Variants in HSD17B12 observed in about 807,000 individuals in gnomAD.
HSD17B12 encodes hydroxysteroid 17-beta dehydrogenase 12, also known as very-long-chain 3-oxoacyl-CoA reductase.
A neutral mutation model predicts 39.3 loss-of-function variants in HSD17B12; 32 were observed. That is an observed-to-expected ratio of 0.81 (90% CI 0.61 to 1.09). The LOEUF (loss-of-function observed/expected upper bound fraction) is 1.09, where lower values mean the gene tolerates loss of function less well. HSD17B12 is among the 50% of genes least tolerant of loss of function. HSD17B12 has a pLI of 0.00. For missense variants in HSD17B12, 342 were observed against 382.9 expected, an observed-to-expected ratio of 0.89 and a Z score of 0.89; for synonymous variants, 150 against 146.7, an observed-to-expected ratio of 1.02 and a Z score of -0.16.
intron 7 of HSD17B12, among the ~76,000 whole-genome samples, chr11:43,835,456 A>T (rs1951360201): frequency 6.6e-6 from 1 of 152,212 alleles, no homozygotes; most frequent in Admixed American, 6.5e-5. Flanking sequence ...TGATTCAGAC[A>T]GAACTAAGTT....
At chr11:43,843,492 C>T (rs1045212347) in intron 9 of HSD17B12, among the ~76,000 whole-genome samples, 4 of 152,264 alleles carry the variant, frequency 2.6e-5, no homozygotes, top group Non-Finnish European at 2.9e-5. Context: ...GGATTAAATT[C>T]GAACTCCACA....
At chr11:43,592,079 T>G in the HSD17B12 span, among the ~76,000 whole-genome samples, 2 of 152,118 alleles carry the variant, frequency 1.3e-5, no homozygotes, top group Non-Finnish European at 2.9e-5. Flanking sequence ...TTTAAACTAA[T>G]TTTATTTTTA....
intron 1 of HSD17B12, chr11:43,734,548 C>G: frequency 1.8e-6 from 1 of 558,612 alleles, no homozygotes; most frequent in Non-Finnish European, 3.1e-6. Flanking sequence ...CAGTCCGTGC[C>G]CCTCCAGCTG....
At chr11:43,650,797 A>G in the HSD17B12 span, among the ~76,000 whole-genome samples, 5 of 152,216 alleles carry the variant, frequency 3.3e-5, no homozygotes, top group Admixed American at 6.5e-5. Context: ...TGTTTCAGTT[A>G]CCTGTGGCCA....
At chr11:43,773,343 A>G (rs1175297073) in intron 3 of HSD17B12, among the ~76,000 whole-genome samples, 2 of 152,170 alleles carry the variant, frequency 1.3e-5, no homozygotes, top group African/African-American at 4.8e-5. Flanking sequence ...TCCTGGGCGC[A>G]AGCAGGTCTG....
the HSD17B12 span, among the ~76,000 whole-genome samples, chr11:43,605,768 A>G: frequency 6.6e-6 from 1 of 152,192 alleles, no homozygotes; most frequent in African/African-American, 2.4e-5. Context: ...ATAAACGTAA[A>G]TAATTTATTA....
the HSD17B12 span, among the ~76,000 whole-genome samples, chr11:43,655,013 G>A: frequency 2.0e-5 from 3 of 152,086 alleles, no homozygotes; most frequent in Admixed American, 6.6e-5. Context: ...CCATTTTCAC[G>A]ATATTGATTC....
intron 3 of HSD17B12, 41 bp from the exon 4 acceptor site, chr11:43,798,278 AT>A: frequency 8.2e-7 from 1 of 1,212,482 alleles, no homozygotes. Context: ...CCATGTACTA[AT>A]TTTCCCTGTC....
the HSD17B12 span, among the ~76,000 whole-genome samples, chr11:43,619,485 G>A: frequency 6.6e-6 from 1 of 150,520 alleles, no homozygotes; most frequent in African/African-American, 2.4e-5. Context: ...CACCTCCCAG[G>A]TTCAAGCGAT....
chr11:43,596,161 C>G, the HSD17B12 span, among the ~76,000 whole-genome samples: 2 of 151,972 alleles, frequency 1.3e-5, no homozygotes, highest in African/African-American at 4.8e-5. Flanking sequence ...AAAGTCCCAG[C>G]ATTACAGGAG....
chr11:43,709,074 C>T (rs1950041196), intron 1 of HSD17B12, among the ~76,000 whole-genome samples: 1 of 152,182 alleles, frequency 6.6e-6, no homozygotes, highest in Non-Finnish European at 1.5e-5. Context: ...AGCTGCGTAG[C>T]TGTTTTCTAC....
chr11:43,718,011 C>T (rs1950140409), intron 1 of HSD17B12, among the ~76,000 whole-genome samples: 1 of 151,966 alleles, frequency 6.6e-6, no homozygotes, highest in Admixed American at 6.6e-5. Flanking sequence ...CGCCATGTTG[C>T]TCAGGCTGGT....
the HSD17B12 span, chr11:43,576,605 C>T: frequency 2.0e-5 from 3 of 152,090 alleles, no homozygotes; most frequent in Non-Finnish European, 4.4e-5. Flanking sequence ...AAGGAGTTCC[C>T]GTTTGGGTAA....
intron 1 of HSD17B12, among the ~76,000 whole-genome samples, chr11:43,692,353 G>C (rs992138030): frequency 4.6e-5 from 7 of 152,114 alleles, no homozygotes; most frequent in African/African-American, 7.2e-5. Context: ...GTTAGACAAA[G>C]CTGGTTACAG....
intron 1 of HSD17B12, among the ~76,000 whole-genome samples, chr11:43,708,254 T>C (rs1320170): frequency 1.4e-4 from 21 of 152,216 alleles, no homozygotes; most frequent in Admixed American, 1.0e-3. Context: ...TTTGGTAAGC[T>C]GAAGAGGAAT....
At chr11:43,736,646 T>C (rs975889842) in intron 1 of HSD17B12, among the ~76,000 whole-genome samples, 2 of 152,214 alleles carry the variant, frequency 1.3e-5, no homozygotes, top group African/African-American at 4.8e-5. Context: ...GTAAAATTAT[T>C]TTTATAATAT....
intron 3 of HSD17B12, among the ~76,000 whole-genome samples, chr11:43,770,415 A>G (rs1443455667): frequency 2.0e-5 from 3 of 152,128 alleles, no homozygotes; most frequent in Admixed American, 6.6e-5. Flanking sequence ...TGCTTAAGTA[A>G]TGGACTTGGC....
the HSD17B12 span, among the ~76,000 whole-genome samples, chr11:43,636,082 T>C: frequency 6.6e-6 from 1 of 152,208 alleles, no homozygotes; most frequent in Non-Finnish European, 1.5e-5. Context: ...GTATTACCCA[T>C]ATAACCCTTG....
chr11:43,812,787 T>C (rs921343608), intron 4 of HSD17B12, among the ~76,000 whole-genome samples: 1 of 152,224 alleles, frequency 6.6e-6, no homozygotes, highest in African/African-American at 2.4e-5. Flanking sequence ...ATAAATAGCT[T>C]TGATAGCTTT....
Sources: gnomAD v4.1 joint callset for allele counts (sites outside exome capture counted in the v4.1 genomes callset) on GRCh38, gnomAD v4.1.1 for gene constraint, MANE v1.5 for transcripts, NCBI Gene and HGNC (gene_info 2026-07-23, HGNC 2026-07-21) for gene names.